LRRC4C: variants seen among roughly 807,000 people sequenced by gnomAD.
LRRC4C encodes the protein leucine rich repeat containing 4C, also known as leucine-rich repeat-containing protein 4C.
In LRRC4C, 5 loss-of-function variants were observed where a neutral mutation model predicts 33.6. The observed-to-expected ratio is 0.15, with a 90% CI of 0.08 to 0.31. The LOEUF is 0.31. Ranked by LOEUF, LRRC4C falls within the 10% of genes least tolerant of loss-of-function variation. The pLI is 1.00. For missense variants in LRRC4C, 560 were observed against 796.7 expected, an observed-to-expected ratio of 0.70 and a Z score of 3.58; for synonymous variants, 329 against 302.0, an observed-to-expected ratio of 1.09 and a Z score of -0.93.
intron 3 of LRRC4C, among the ~76,000 whole-genome samples, chr11:40,365,569 C>T (rs1340035519): frequency 1.3e-5 from 2 of 151,824 alleles, no homozygotes; most frequent in African/African-American, 2.4e-5. Flanking sequence ...TGGGGGGGCC[C>T]GAGAGGAGAT....
At chr11:40,379,520 C>A (rs1483183780) in intron 3 of LRRC4C, among the ~76,000 whole-genome samples, 1 of 152,056 alleles carries the variant, frequency 6.6e-6, no homozygotes, top group Non-Finnish European at 1.5e-5. Flanking sequence ...GCTGAAATTA[C>A]TTTTATCTTT....
intron 3 of LRRC4C, among the ~76,000 whole-genome samples, chr11:40,326,674 A>G (rs1946120975): frequency 6.6e-6 from 1 of 152,200 alleles, no homozygotes; most frequent in Non-Finnish European, 1.5e-5. Context: ...CTTCTGGAGT[A>G]TTATAAAGAC....
rs148358295 is a variant in LRRC4C at position 40,316,220 on chromosome 11, A to T, written c.-176+3408T>A. 2.2e-3 allele frequency among the ~76,000 whole-genome samples: 339 copies of T among 152,146 alleles called. 3 individuals carry two copies. Among genetic ancestry groups the T allele is most frequent in the African/African-American group, 7.7e-3 (321 of 41,500 alleles). On this transcript the variant is annotated intron_variant, in intron 4 of 6. Transcript: ENST00000528697. The stretch of plus-strand genomic sequence containing the variant: ...TGAAATTATGTAACTCATTATAGAC[A>T]TTGGGGGAATCCAATTTATAGATAT...
chr11:40,305,933 C>T (rs1278747603), intron 4 of LRRC4C, among the ~76,000 whole-genome samples: 3 of 152,146 alleles, frequency 2.0e-5, no homozygotes, highest in Non-Finnish European at 4.4e-5. Flanking sequence ...CCAAGTTGTG[C>T]GTTACTATGG....
intron 2 of LRRC4C, among the ~76,000 whole-genome samples, chr11:40,701,294 G>A (rs1786115552): frequency 6.6e-6 from 1 of 151,942 alleles, no homozygotes; most frequent in African/African-American, 2.4e-5. Context: ...TTTCCCTGTA[G>A]GGCAGCATTA....
intron 2 of LRRC4C, among the ~76,000 whole-genome samples, chr11:40,763,999 T>C (rs934407064): frequency 6.6e-6 from 1 of 152,180 alleles, no homozygotes; most frequent in African/African-American, 2.4e-5. Context: ...GGAATGTTTG[T>C]GTCACCCATC....
chr11:40,616,029 C>A (rs1350134874), intron 3 of LRRC4C, among the ~76,000 whole-genome samples: 1 of 151,784 alleles, frequency 6.6e-6, no homozygotes, highest in African/African-American at 2.4e-5. Flanking sequence ...ATATCAGGAT[C>A]CGGAATCTAC....
At chr11:40,382,988 C>T (rs889918376) in intron 3 of LRRC4C, among the ~76,000 whole-genome samples, 17 of 152,170 alleles carry the variant, frequency 1.1e-4, no homozygotes, top group Admixed American at 9.8e-4. Flanking sequence ...CCACCGCTCC[C>T]GGCCAACATT....
intron 1 of LRRC4C, among the ~76,000 whole-genome samples, chr11:41,018,724 C>T (rs992504085): frequency 6.6e-6 from 1 of 152,082 alleles, no homozygotes; most frequent in Non-Finnish European, 1.5e-5. Context: ...AGCAAACTGC[C>T]ACAGTGGGAA....
At chr11:40,802,722 C>A (rs1951089562) in intron 2 of LRRC4C, among the ~76,000 whole-genome samples, 1 of 152,094 alleles carries the variant, frequency 6.6e-6, no homozygotes, top group Non-Finnish European at 1.5e-5. Flanking sequence ...TAAGCATTAT[C>A]CCTTGAAGAT....
At chr11:40,305,972 C>A (rs1366097698) in intron 4 of LRRC4C, among the ~76,000 whole-genome samples, 1 of 152,142 alleles carries the variant, frequency 6.6e-6, no homozygotes, top group Non-Finnish European at 1.5e-5. Flanking sequence ...GGTTACTTGA[C>A]CAACGAGGTT....
chr11:40,150,009 G>T (rs945426246), intron 5 of LRRC4C, among the ~76,000 whole-genome samples: 1 of 152,172 alleles, frequency 6.6e-6, no homozygotes, highest in Admixed American at 6.5e-5. Context: ...CTGAGATGCT[G>T]CCAGGGCTGT....
At chr11:40,993,604 G>A in intron 1 of LRRC4C, among the ~76,000 whole-genome samples, 1 of 152,016 alleles carries the variant, frequency 6.6e-6, no homozygotes, top group Non-Finnish European at 1.5e-5. Context: ...AAAAATTTCA[G>A]GTTTGAATGT....
At chr11:41,048,023 CTTGAG>C (rs1369703858) in intron 1 of LRRC4C, among the ~76,000 whole-genome samples, 1 of 152,142 alleles carries the variant, frequency 6.6e-6, no homozygotes, top group East Asian at 1.9e-4. Context: ...GAACTTTATA[CTTGAG>C]TTATTTTTGT....
chr11:41,361,467 C>T (rs1952353331), intron 1 of LRRC4C, among the ~76,000 whole-genome samples: 1 of 152,182 alleles, frequency 6.6e-6, no homozygotes, highest in Non-Finnish European at 1.5e-5. Context: ...TGCCCATGCA[C>T]ATTACTGTCT....
At chr11:41,097,367 C>T (rs1461347934) in intron 1 of LRRC4C, among the ~76,000 whole-genome samples, 1 of 152,134 alleles carries the variant, frequency 6.6e-6, no homozygotes, top group Non-Finnish European at 1.5e-5. Context: ...CAAGTACAAA[C>T]TAAAGATTCC....
chr11:40,936,719 A>G lies in LRRC4C; in HGVS notation c.-495-2996T>C, dbSNP rs1441772066. Among the ~76,000 whole-genome samples, 3 of 152,084 alleles carry G rather than the reference A, an allele frequency of 2.0e-5. No homozygotes were observed. The East Asian group carries it at 5.8e-4, about 29-fold the overall frequency. ...CATGTATTATTTTATTTAATTCTCA[A>G]CGCTGTGTAGTTGCAATTATAATCA... is the stretch of plus-strand genomic sequence containing the variant. On this transcript the variant is annotated intron_variant, in intron 1 of 6. Transcript: ENST00000528697.
intron 1 of LRRC4C, among the ~76,000 whole-genome samples, chr11:41,332,210 A>G (rs745537635): frequency 6.6e-6 from 1 of 152,168 alleles, no homozygotes; most frequent in African/African-American, 2.4e-5. Flanking sequence ...TAGATACCCA[A>G]TTTGCCTCAT....
intron 2 of LRRC4C, among the ~76,000 whole-genome samples, chr11:40,714,353 A>C (rs1014020486): frequency 5.3e-5 from 8 of 152,170 alleles, no homozygotes; most frequent in African/African-American, 4.8e-5. Context: ...TCTACTACAA[A>C]TTTAACTGCA....
Sources: allele counts gnomAD v4.1 joint callset (sites outside exome capture counted in the v4.1 genomes callset), GRCh38; gene constraint gnomAD v4.1.1; transcripts MANE v1.5; gene names NCBI Gene and HGNC (gene_info 2026-07-23, HGNC 2026-07-21).